Variants in IDH2 observed in about 807,000 individuals in gnomAD.
IDH2 encodes the protein isocitrate dehydrogenase [NADP], mitochondrial.
IDH2 carries 18 observed loss-of-function variants against 50.5 expected under a neutral mutation model. The ratio of observed to expected loss-of-function variants is 0.36; its 90% CI spans 0.25 to 0.53. IDH2 has a LOEUF of 0.53. Ranked by LOEUF, IDH2 falls within the 20% of genes least tolerant of loss-of-function variation. The pLI is 0.92. For missense variants in IDH2, 518 were observed against 610.7 expected (o/e 0.85, Z 1.60); for synonymous variants, 280 against 239.8 (o/e 1.17, Z -1.55).
At position 90,100,773 on chromosome 15, in the gene IDH2, G is replaced by T; in HGVS notation, c.115+1503C>A. Reference sequence around the variant, plus strand: ...AAGCTGGCAGAGTCGCAACTGTAGAGTCTGATGTCCAACTCCAACACCAAG... The same window carrying T: ...AAGCTGGCAGAGTCGCAACTGTAGATTCTGATGTCCAACTCCAACACCAAG... On this transcript the variant is annotated intron_variant, in intron 1 of 10. Coordinates refer to ENST00000330062, the MANE Select transcript of IDH2 (RefSeq NM_002168.4). The surrounding 1 kb of genome is among the most constrained non-coding windows in gnomAD (Gnocchi z 4.1). 1 of 385,074 alleles carries T rather than the reference G, an allele frequency of 2.6e-6. No individual in the cohort carries two copies. The highest frequency in any genetic ancestry group is 3.6e-6 in the Non-Finnish European group (1 of 281,004). 23.9% of individuals were successfully genotyped at this position (385,074 alleles called of 1,614,324 possible). A position where few individuals can be genotyped will look rare whatever the true frequency, so the allele number is the denominator to read the frequency against.
Position 90,084,120 on chromosome 15 carries a change from T to C in IDH2, c.*146A>G, listed in dbSNP as rs1049440726. ...GTCACCATGAGGGGAAACACACATATGCTTTTAAAAACATCTGGCTTATAA... is the reference window on the plus strand; with the variant it reads ...GTCACCATGAGGGGAAACACACATACGCTTTTAAAAACATCTGGCTTATAA... On this transcript the variant is annotated 3_prime_UTR_variant, in exon 11 of 11. Transcript: ENST00000330062. The surrounding 1 kb of genome is among the most constrained non-coding windows in gnomAD (Gnocchi z 5.0). 1.5e-6 allele frequency: 1 copy of C among 667,108 alleles called. No homozygotes were observed. The highest frequency in any genetic ancestry group is 2.7e-6 in the Non-Finnish European group (1 of 373,636). 41.3% of individuals were successfully genotyped at this position (667,108 alleles called of 1,614,324 possible).
chr15:90,101,747 A>C (rs906164256), intron 1 of IDH2, among the ~76,000 whole-genome samples: 3 of 152,116 alleles, frequency 2.0e-5, no homozygotes, highest in African/African-American at 7.2e-5. Context: ...TGTCGTGTAA[A>C]AGGCTCCAAA....
chr15:90,090,919 C>A (rs776782263), intron 2 of IDH2, among the ~76,000 whole-genome samples: 2 of 152,208 alleles, frequency 1.3e-5, no homozygotes, highest in Non-Finnish European at 2.9e-5. Context: ...GTGTGCCCCC[C>A]TCACATGGCC....
At chr15:90,099,004 G>A (rs115904477) in intron 1 of IDH2, among the ~76,000 whole-genome samples, 140 of 152,078 alleles carry the variant, frequency 9.2e-4, no homozygotes, top group African/African-American at 3.2e-3. Context: ...CGCCTGAATT[G>A]GAACCTTTCC....
intron 1 of IDH2, among the ~76,000 whole-genome samples, chr15:90,096,159 G>C (rs1342129287): frequency 1.3e-5 from 2 of 152,198 alleles, no homozygotes; most frequent in East Asian, 3.9e-4. Context: ...AATTAGCCTG[G>C]TGTGGTGACA....
At chr15:90,090,669 G>T (rs1596076204) in intron 2 of IDH2, 25 bp from the exon 3 acceptor site, 1 of 1,613,768 alleles carries the variant, frequency 6.2e-7, no homozygotes, top group South Asian at 1.1e-5. Flanking sequence ...CCAGAGCAAG[G>T]CGTCACCCCA....
In IDH2 at chr15:90,084,340, C is replaced by G; in HGVS notation, c.1285G>C (p.Glu429Gln). Residue 429 changes from glutamate (E) to glutamine (Q), a missense_variant, in exon 11 of 11, where the codon GAG becomes CAG. By Grantham distance (29) the Glu-to-Gln change is conservative. Around this residue, in one of 5 missense-constraint regions of IDH2, gnomAD observed 135 missense variants for 167.6 expected, o/e 0.81. Transcript: ENST00000330062. This position sits in a 1 kb window ranked among gnomAD's most constrained non-coding sequence, Gnocchi z 5.0. ...AAGTCCGTGGTGTTCAGGAAGTGCT[C>G]GTTCAGCTTCACACTGCAGAGAGAG... ...IHGLSNVKLN[E>Q]HFLNTTDFLD... 1 of 1,613,916 alleles carries G rather than the reference C, an allele frequency of 6.2e-7. No individual in the cohort carries two copies.
At position 90,102,416 on chromosome 15, in the gene IDH2, G is replaced by GGC; in HGVS notation, c.-28_-27dup. ...CCCAAGCTGGAGAGCGAACGAGCAG[G>GGC]GCGGGAGAGGTCCGAGCGCGCGCCG... On this transcript the variant is annotated 5_prime_UTR_variant, in exon 1 of 11. Coordinates refer to ENST00000330062, the MANE Select transcript of IDH2 (RefSeq NM_002168.4). 8.1e-7 allele frequency: 1 copy of GGC among 1,238,110 alleles called. No individual in the cohort carries two copies. The highest frequency in any genetic ancestry group is 1.0e-6 in the Non-Finnish European group (1 of 962,068). The allele number at this position is 1,238,110 out of a possible 1,614,324, so 76.7% of individuals were successfully genotyped here.
At position 90,090,609 on chromosome 15, in the gene IDH2, A is replaced by G. The variant is rs753458836; in HGVS notation, c.243T>C (p.Tyr81=). The G allele has an allele frequency of 1.2e-6, 2 of 1,614,076 alleles. No homozygotes were observed. The highest frequency in any genetic ancestry group is 2.7e-5 in the African/African-American group (2 of 74,920). Residue 81 remains tyrosine (Y), a synonymous_variant, in exon 3 of 11, where the codon TAT becomes TAC. Coordinates refer to ENST00000330062, the MANE Select transcript of IDH2 (RefSeq NM_002168.4). Reference sequence around the variant, plus strand: ...CACGGTTTGGGAGCCCGAGGTCAAAATACTTTAGCTGGATGTCCACGTGGG... The same window carrying G: ...CACGGTTTGGGAGCCCGAGGTCAAAGTACTTTAGCTGGATGTCCACGTGGG... ...ILPHVDIQLK[Y]FDLGLPNRDQ... is the part of the protein sequence containing the mutation.
intron 3 of IDH2, among the ~76,000 whole-genome samples, chr15:90,089,673 G>A (rs571668572): frequency 1.8e-4 from 28 of 152,296 alleles, no homozygotes; most frequent in African/African-American, 5.5e-4. Flanking sequence ...AGTACTTTCC[G>A]CCAGCTCCCT....
At position 90,083,119 on chromosome 15, in the gene IDH2, ATTTTTTTTTTTTTTTT is replaced by A. The variant is rs59583363; in HGVS notation, c.*1131_*1146del. ...GGGGCTAAAAAACTTGCATAGAGCA[ATTTTTTTTTTTTTTTT>A]TTTTTTTTTTTTTTTGAGACAGAGT... On this transcript the variant is annotated 3_prime_UTR_variant, in exon 11 of 11. Transcript: ENST00000330062. 4.5e-4 allele frequency: 28 copies of A among 62,706 alleles called. No homozygotes were observed. Among genetic ancestry groups the A allele is most frequent in the African/African-American group, 1.3e-3 (22 of 16,528 alleles). The allele number at this position is 62,706 out of a possible 1,614,324, so 3.9% of individuals were successfully genotyped here.
At position 90,088,427 on chromosome 15, in the gene IDH2, C is replaced by T. The variant is rs1900931821; in HGVS notation, c.610G>A (p.Val204Ile). 2 of 1,614,120 alleles carry T rather than the reference C, an allele frequency of 1.2e-6. No homozygotes were observed. The highest frequency in any genetic ancestry group is 1.3e-5 in the African/African-American group (1 of 74,948). ...MVFTPKDGSG[V>I]KEWEVYNFPA... ...AAGTTGTACACTTCCCACTCCTTGA[C>T]ACCACTGCCATCTTTTGGGGTGAAG... The change falls in exon 5 of 11, where the codon GTC (valine) becomes ATC (isoleucine). Residue 204 changes from valine (V) to isoleucine (I), a missense_variant. Around this residue, in one of 5 missense-constraint regions of IDH2, gnomAD observed 207 missense variants for 208.6 expected, o/e 0.99. Transcript: ENST00000330062.
At chr15:90,102,227 G>T in intron 1 of IDH2, 49 bp downstream of exon 1, 3 of 813,178 alleles carry the variant, frequency 3.7e-6, no homozygotes, top group Non-Finnish European at 4.9e-6. Flanking sequence ...AAGCCGCCAC[G>T]TCGCAGCTGG....
At chr15:90,087,631 A>G in intron 5 of IDH2, 56 bp from the exon 6 acceptor site, 1 of 1,607,444 alleles carries the variant, frequency 6.2e-7, no homozygotes, top group East Asian at 2.2e-5. Flanking sequence ...GATTGCCGGC[A>G]ACCTCCCACC....
At position 90,084,418 on chromosome 15, in the gene IDH2, C is replaced by A; in HGVS notation, c.1272-65G>T. Reference sequence around the variant, plus strand: ...GCCTTGCCAAGGCCATCAGCCAGGCCCTTCCAGGGAACAGCCTGAGCTTGG... The same window carrying A: ...GCCTTGCCAAGGCCATCAGCCAGGCACTTCCAGGGAACAGCCTGAGCTTGG... On this transcript the variant is annotated intron_variant, in intron 10 of 10. Transcript: ENST00000330062. This position sits in a 1 kb window ranked among gnomAD's most constrained non-coding sequence, Gnocchi z 5.0. The A allele has an allele frequency of 7.0e-7, 1 of 1,432,630 alleles. No homozygotes were observed. Among genetic ancestry groups the A allele is most frequent in the South Asian group, 1.2e-5 (1 of 83,944 alleles). The allele number at this position is 1,432,630 out of a possible 1,614,324, so 88.7% of individuals were successfully genotyped here.
intron 1 of IDH2, among the ~76,000 whole-genome samples, chr15:90,099,245 C>A (rs1158512195): frequency 6.6e-6 from 1 of 152,144 alleles, no homozygotes; most frequent in Non-Finnish European, 1.5e-5. Context: ...ACTGCCGAAC[C>A]TCATCCTGTC....
At chr15:90,097,113 T>A (rs759738268) in intron 1 of IDH2, among the ~76,000 whole-genome samples, 3 of 152,182 alleles carry the variant, frequency 2.0e-5, no homozygotes, top group Non-Finnish European at 4.4e-5. Context: ...AAAGACAATG[T>A]GATACAGTCC....
Position 90,098,837 on chromosome 15 carries a change from A to C in IDH2, c.115+3439T>G, listed in dbSNP as rs1901257817. ...GGGAGCCACCGCACGCGGCCAGAAC[A>C]GCCATTTTGGAACAAACTCTAGTAG... On this transcript the variant is annotated intron_variant, in intron 1 of 10. Coordinates refer to ENST00000330062, the MANE Select transcript of IDH2 (RefSeq NM_002168.4). This position sits in a 1 kb window ranked among gnomAD's most constrained non-coding sequence, Gnocchi z 5.1. Among the ~76,000 whole-genome samples the C allele has an allele frequency of 6.6e-6, 1 of 152,102 alleles. No individual in the cohort carries two copies. The highest frequency in any genetic ancestry group is 6.5e-5 in the Admixed American group (1 of 15,268).
rs1282863956 is a variant in IDH2, at chr15:90,102,327, C to T, written c.64G>A (p.Ala22Thr). Residue 22 changes from alanine to threonine, a missense_variant, in exon 1 of 11, where the codon GCG (alanine) becomes ACG (threonine). Coordinates refer to ENST00000330062, the MANE Select transcript of IDH2 (RefSeq NM_002168.4). ...CRASGSRPAW[A>T]PAALTAPTSQ... The stretch of plus-strand genomic sequence containing the variant: ...GTGGGGGCTGTCAGGGCCGCCGGCG[C>T]CCAGGCCGGCCGCGAGCCTGAGGCT... 2 of 1,361,776 alleles carry T rather than the reference C, an allele frequency of 1.5e-6. No individual in the cohort carries two copies. Among genetic ancestry groups the T allele is most frequent in the Middle Eastern group, 2.5e-4 (1 of 3,972 alleles). 84.4% of individuals were successfully genotyped at this position (1,361,776 alleles called of 1,614,324 possible).
Sources: allele counts gnomAD v4.1 joint callset (sites outside exome capture counted in the v4.1 genomes callset), GRCh38; gene constraint gnomAD v4.1.1; regional missense constraint gnomAD v4.1.1; non-coding constraint Gnocchi (gnomAD v3.1); transcripts MANE v1.5; gene names NCBI Gene and HGNC (gene_info 2026-07-23, HGNC 2026-07-21).